The following ITGAE variants were observed in gnomAD, a reference collection of about 807,000 sequenced individuals.
The protein encoded by ITGAE is integrin subunit alpha E.
In ITGAE, 99 loss-of-function variants were observed where a neutral mutation model predicts 136.5. The observed-to-expected ratio is 0.73, with a 90% CI of 0.62 to 0.86. The LOEUF is 0.86. Ranked by LOEUF, ITGAE falls within the 40% of genes least tolerant of loss-of-function variation. The probability of loss-of-function intolerance (pLI) is 0.00; values close to 1 mark genes in which losing one functional copy is unlikely to be tolerated. For missense variants in ITGAE, 1,447 were observed against 1,515.3 expected (o/e 0.95, Z 0.75); for synonymous variants, 613 against 591.8 (o/e 1.04, Z -0.52).
At chr17:3,715,069 C>T (rs193106623) in intron 30 of ITGAE, 127 bp from the exon 31 acceptor site, 21 of 621,228 alleles carry the variant, frequency 3.4e-5, no homozygotes, top group East Asian at 2.8e-4. Context: ...CTACTCCCTT[C>T]TCCTAACTTA....
At chr17:3,797,153 A>ATT (rs1567566704) in intron 1 of ITGAE, among the ~76,000 whole-genome samples, 4 of 21,286 alleles carry the variant, frequency 1.9e-4, no homozygotes, top group Non-Finnish European at 1.8e-4. Context: ...ATATATATAT[A>ATT]TATATTTTTT....
chr17:3,730,738 C>T (rs1346568724), intron 23 of ITGAE, among the ~76,000 whole-genome samples: 1 of 152,136 alleles, frequency 6.6e-6, no homozygotes, highest in Non-Finnish European at 1.5e-5. Flanking sequence ...GCAGAATCAC[C>T]TCCCTTTGAG....
chr17:3,766,309 C>T lies in ITGAE; in HGVS notation c.156-2349G>A, dbSNP rs1053250387. On this transcript the variant is annotated intron_variant, in intron 2 of 30. Coordinates refer to ENST00000263087, the MANE Select transcript of ITGAE (RefSeq NM_002208.5). ...CACAAAAGTCCTTCTAGGAGGGAGGCAGGAGAATCAGAGTCGGAGAAAGTT... is the reference window on the plus strand; with the variant it reads ...CACAAAAGTCCTTCTAGGAGGGAGGTAGGAGAATCAGAGTCGGAGAAAGTT... Among the ~76,000 whole-genome samples, 43 of 152,102 alleles carry T rather than the reference C, an allele frequency of 2.8e-4. 1 individual carries two copies. The highest frequency in any genetic ancestry group is 9.7e-4 in the African/African-American group (40 of 41,422).
chr17:3,769,441 A>G (rs1190245707), intron 2 of ITGAE, among the ~76,000 whole-genome samples: 2 of 148,490 alleles, frequency 1.3e-5, no homozygotes, highest in African/African-American at 5.0e-5. Context: ...TCATGCCGCC[A>G]TCATGCAATG....
chr17:3,715,872 A>G (rs2050932578), intron 30 of ITGAE, among the ~76,000 whole-genome samples: 1 of 152,062 alleles, frequency 6.6e-6, no homozygotes. Flanking sequence ...TTTTTAAAAA[A>G]GAGGCTGGGA....
intron 2 of ITGAE, among the ~76,000 whole-genome samples, chr17:3,775,546 A>C (rs1342939425): frequency 6.6e-6 from 1 of 151,370 alleles, no homozygotes; most frequent in Non-Finnish European, 1.5e-5. Flanking sequence ...TGCAGCCTCC[A>C]CCTCCTGGGT....
At chr17:3,774,914 C>T (rs1276192127) in intron 2 of ITGAE, among the ~76,000 whole-genome samples, 3 of 152,120 alleles carry the variant, frequency 2.0e-5, no homozygotes, top group African/African-American at 7.2e-5. Context: ...CCACCATCGC[C>T]ATCTGAGGGA....
In ITGAE at chr17:3,753,857, G is replaced by A; in HGVS notation, c.1453C>T (p.His485Tyr). Residue 485 changes from histidine to tyrosine, a missense_variant, in exon 13 of 31, where the codon CAT becomes TAT. By Grantham distance (83) the His-to-Tyr change is moderately conservative. Transcript: ENST00000263087. ...TGGAGCTCAAACACGGCCCCATGAT[G>A]TTTGTACCGTGGAGCCCCCGCGATG... ...SYIAGAPRYK[H>Y]HGAVFELQKE... 1 of 1,614,152 alleles carries A rather than the reference G, an allele frequency of 6.2e-7. No homozygotes were observed. The highest frequency in any genetic ancestry group is 8.5e-7 in the Non-Finnish European group (1 of 1,180,014).
At position 3,725,704 on chromosome 17, in the gene ITGAE, G is replaced by A. The variant is rs1038601356; in HGVS notation, c.3085-1960C>T. ...TCAACCAAAGGCTCTGCAAATGACC[G>A]GCCTGATTTTTTTAAAGACGACCAG... is the stretch of plus-strand genomic sequence containing the variant. On this transcript the variant is annotated intron_variant, in intron 26 of 30. Coordinates refer to ENST00000263087, the MANE Select transcript of ITGAE (RefSeq NM_002208.5). The A allele has an allele frequency of 6.4e-6, 10 of 1,574,130 alleles. No homozygotes were observed. In the East Asian group the frequency reaches 9.0e-5, roughly 14 times the overall value.
chr17:3,794,486 A>G (rs1345211395), intron 1 of ITGAE, among the ~76,000 whole-genome samples: 1 of 152,128 alleles, frequency 6.6e-6, no homozygotes, highest in Non-Finnish European at 1.5e-5. Context: ...CACACACTGC[A>G]TCTGCCTCGA....
At chr17:3,737,294 AAAG>A (rs369478989) in intron 20 of ITGAE, among the ~76,000 whole-genome samples, 5 of 148,052 alleles carry the variant, frequency 3.4e-5, no homozygotes, top group African/African-American at 4.9e-5. Context: ...CCCTGTCTCA[AAAG>A]AAGAAGAAGA....
At chr17:3,730,387 G>A (rs1420117681) in intron 23 of ITGAE, 1 of 150,914 alleles carries the variant, frequency 6.6e-6, no homozygotes, top group Non-Finnish European at 1.5e-5. Context: ...TGGAGGCAGA[G>A]GTTGCAGTGA....
chr17:3,721,765 G>A (rs2051055406), intron 28 of ITGAE: 1 of 152,242 alleles, frequency 6.6e-6, no homozygotes, highest in Admixed American at 6.5e-5. Context: ...AACACGTGTG[G>A]CCGGGTGTGG....
rs769869096 is a variant in ITGAE at position 3,723,286 on chromosome 17, ACCTC to A, written c.3235_3237+1del. 12 of 1,600,970 alleles carry A rather than the reference ACCTC, an allele frequency of 7.5e-6. No individual in the cohort carries two copies. The highest frequency in any genetic ancestry group is 9.4e-6 in the Non-Finnish European group (11 of 1,168,070). On this transcript the variant is annotated splice_donor_variant and coding_sequence_variant, in exon 28 of 31. Transcript: ENST00000263087. LOFTEE classifies it high-confidence loss of function. ...AATCTGGAGCATTTCAGTCTCAAAC[ACCTC>A]CTCAGAGTGATCCCAGGAGATCTCT...
At chr17:3,735,712 C>T (rs570647837) in intron 20 of ITGAE, among the ~76,000 whole-genome samples, 5 of 152,316 alleles carry the variant, frequency 3.3e-5, no homozygotes, top group South Asian at 2.1e-4. Context: ...TGGACTGCCA[C>T]GCCCATCTCA....
At chr17:3,764,055 T>C in intron 2 of ITGAE, 95 bp from the exon 3 acceptor site, 1 of 821,118 alleles carries the variant, frequency 1.2e-6, no homozygotes, top group Non-Finnish European at 2.0e-6. Context: ...TTGCCTGCAC[T>C]CACAAGCTCC....
chr17:3,739,785 G>A lies in ITGAE; in HGVS notation c.2522+20C>T. 3.1e-6 allele frequency: 5 copies of A among 1,609,000 alleles called. No individual in the cohort carries two copies. The highest frequency in any genetic ancestry group is 4.3e-6 in the Non-Finnish European group (5 of 1,175,280). On this transcript the variant is annotated intron_variant, in intron 20 of 30. Coordinates refer to ENST00000263087, the MANE Select transcript of ITGAE (RefSeq NM_002208.5). ...CGGGAGAAGGTTAATCGAGGAAACT[G>A]ACGGCTATGTCCAACTCACTGAGAG... is the stretch of plus-strand genomic sequence containing the variant.
At chr17:3,740,379 T>G (rs769510095) in intron 19 of ITGAE, among the ~76,000 whole-genome samples, 9 of 152,090 alleles carry the variant, frequency 5.9e-5, no homozygotes, top group Admixed American at 2.0e-4. Flanking sequence ...TTTTCGGTTG[T>G]TTGTTTGTTT....
At chr17:3,777,207 C>T (rs975581927) in intron 2 of ITGAE, among the ~76,000 whole-genome samples, 6 of 151,404 alleles carry the variant, frequency 4.0e-5, no homozygotes, top group South Asian at 2.1e-4. Context: ...GTGATCCGCC[C>T]GCCTCGGCCT....
Sources: gnomAD v4.1 joint callset for allele counts (sites outside exome capture counted in the v4.1 genomes callset) on GRCh38, gnomAD v4.1.1 for gene constraint, MANE v1.5 for transcripts, NCBI Gene and HGNC (gene_info 2026-07-23, HGNC 2026-07-21) for gene names.